TMEM11: variants seen among roughly 807,000 people sequenced by gnomAD.
TMEM11 encodes the protein transmembrane protein 11, mitochondrial.
Under a neutral mutation model 17.0 loss-of-function variants are expected in TMEM11, and 1 was observed. That is an observed-to-expected ratio of 0.06 (90% CI 0.02 to 0.28). The LOEUF (loss-of-function observed/expected upper bound fraction) is 0.28, where lower values mean the gene tolerates loss of function less well. TMEM11 is among the 10% of genes least tolerant of loss of function. TMEM11 has a pLI of 1.00. For synonymous variants in TMEM11, 122 were observed against 118.1 expected, an observed-to-expected ratio of 1.03 and a Z score of -0.21; for missense variants, 172 against 252.9, an observed-to-expected ratio of 0.68 and a Z score of 2.17.
chr17:21,199,326 C>CAAAAAAAAAAA (rs1974856167), intron 1 of TMEM11, among the ~76,000 whole-genome samples: 1 of 23,694 alleles, frequency 4.2e-5, no homozygotes, highest in Non-Finnish European at 8.0e-5. Context: ...GACTCAGTCT[C>CAAAAAAAAAAA]AGAAAAAAAA....
Position 21,198,438 on chromosome 17 carries a change from G to C in TMEM11, c.465C>G (p.Thr155=). 6.2e-7 allele frequency: 1 copy of C among 1,614,252 alleles called. No homozygotes were observed. Among genetic ancestry groups the C allele is most frequent in the Non-Finnish European group, 8.5e-7 (1 of 1,180,050 alleles). ...RLPLHTLTSS[T]PVVLVRKDDL... is the part of the protein sequence containing the mutation. Reference sequence around the variant, plus strand: ...CGTCCTTCCGGACCAGCACCACCGGGGTGGAGGAGGTGAGTGTGTGCAGAG... The same window carrying C: ...CGTCCTTCCGGACCAGCACCACCGGCGTGGAGGAGGTGAGTGTGTGCAGAG... The change falls in exon 2 of 2, where the codon ACC becomes ACG. Residue 155 remains threonine (T), a synonymous_variant. Transcript: ENST00000317635. This position sits in a 1 kb window ranked among gnomAD's most constrained non-coding sequence, Gnocchi z 6.5.
At position 21,204,988 on chromosome 17, in the gene TMEM11, TCCTC is replaced by T. The variant is rs1424574414; in HGVS notation, c.63-6152_63-6149del. 2.6e-4 allele frequency among the ~76,000 whole-genome samples: 39 copies of T among 152,128 alleles called. 1 individual carries two copies. Among genetic ancestry groups the T allele is most frequent in the Non-Finnish European group, 2.9e-5 (2 of 67,962 alleles). On this transcript the variant is annotated intron_variant, in intron 1 of 1. Transcript: ENST00000317635. Reference sequence around the variant, plus strand: ...ACTCATAAAGTGGGCATCTTGAACTTCCTCCCTCAGCCTTCAACCAGAGTCAGCC... The same window carrying T: ...ACTCATAAAGTGGGCATCTTGAACTTCCTCAGCCTTCAACCAGAGTCAGCC...
rs9908378 is a variant in TMEM11 at position 21,199,380 on chromosome 17, G to A, written c.63-540C>T. Among the ~76,000 whole-genome samples the A allele has an allele frequency of 7.0e-3, 1,036 of 147,982 alleles. 16 individuals carry two copies. The highest frequency in any genetic ancestry group is 0.023 in the African/African-American group (922 of 40,574). On this transcript the variant is annotated intron_variant, in intron 1 of 1. Coordinates refer to ENST00000317635, the MANE Select transcript of TMEM11 (RefSeq NM_003876.3). ...AAGGCAGGAAAAGCAGTGCCTCGACGTTTAACATGACAAACACAGGCCTGG... is the reference window on the plus strand; with the variant it reads ...AAGGCAGGAAAAGCAGTGCCTCGACATTTAACATGACAAACACAGGCCTGG...
chr17:21,200,704 C>T (rs971264544), intron 1 of TMEM11, among the ~76,000 whole-genome samples: 5 of 152,202 alleles, frequency 3.3e-5, no homozygotes, highest in Non-Finnish European at 7.3e-5. Flanking sequence ...CCTGAAGCTC[C>T]GAATGTGCCT....
At chr17:21,211,178 A>G in intron 1 of TMEM11, 1 of 1,289,882 alleles carries the variant, frequency 7.8e-7, no homozygotes, top group Non-Finnish European at 1.0e-6. Context: ...ACAAGAATTC[A>G]GGTTACAGCT....
chr17:21,209,362 C>T (rs1486702377), intron 1 of TMEM11, among the ~76,000 whole-genome samples: 1 of 152,266 alleles, frequency 6.6e-6, no homozygotes, highest in Non-Finnish European at 1.5e-5. Flanking sequence ...GAGGCCCTGG[C>T]TCTCCCAGAG....
chr17:21,207,995 T>C (rs1300785971), intron 1 of TMEM11, among the ~76,000 whole-genome samples: 1 of 85,000 alleles, frequency 1.2e-5, no homozygotes, highest in Admixed American at 1.3e-4. Flanking sequence ...AAAAAGTGTT[T>C]CTTTTTTTTT....
chr17:21,205,536 T>A (rs913711325), intron 1 of TMEM11, among the ~76,000 whole-genome samples: 1 of 152,110 alleles, frequency 6.6e-6, no homozygotes, highest in African/African-American at 2.4e-5. Context: ...TTGCCTTTTT[T>A]AAAGTGTGGT....
chr17:21,211,087 T>C, intron 1 of TMEM11: 1 of 1,289,802 alleles, frequency 7.8e-7, no homozygotes, highest in South Asian at 1.2e-5. Flanking sequence ...CTTTCCTAGA[T>C]GGGCAAGTGT....
chr17:21,202,218 C>T (rs899729628), intron 1 of TMEM11, among the ~76,000 whole-genome samples: 16 of 152,204 alleles, frequency 1.1e-4, no homozygotes, highest in African/African-American at 3.6e-4. Flanking sequence ...AGGACCAAAT[C>T]GTGTCCCAAT....
At chr17:21,209,381 T>C (rs188063107) in intron 1 of TMEM11, among the ~76,000 whole-genome samples, 2 of 152,354 alleles carry the variant, frequency 1.3e-5, no homozygotes, top group East Asian at 1.9e-4. Context: ...AGGACTGCAG[T>C]GAAGATGGGA....
intron 1 of TMEM11, among the ~76,000 whole-genome samples, chr17:21,202,541 C>G (rs996121330): frequency 5.3e-5 from 8 of 152,188 alleles, no homozygotes; most frequent in African/African-American, 1.9e-4. Flanking sequence ...GGAAACACAG[C>G]AGTGGGCAGA....
intron 1 of TMEM11, among the ~76,000 whole-genome samples, chr17:21,202,482 A>G (rs1974893106): frequency 6.6e-6 from 1 of 152,186 alleles, no homozygotes; most frequent in African/African-American, 2.4e-5. Context: ...TTGGTCCCAC[A>G]GAGGAAATTC....
At position 21,198,793 on chromosome 17, in the gene TMEM11, T is replaced by C. The variant is rs370457637; in HGVS notation, c.110A>G (p.Asn37Ser). ...TDCYIVHEIYNGENAQDQFEY... is the reference protein window; with the variant it reads ...TDCYIVHEIYSGENAQDQFEY... ...AAACTGGTCTTGGGCATTCTCCCCA[T>C]TGTAGATCTCATGCACAATGTAGCA... Residue 37 changes from asparagine (N) to serine (S), a missense_variant, in exon 2 of 2, where the codon AAT becomes AGT. Asn to Ser is a conservative substitution (Grantham distance 46). Coordinates refer to ENST00000317635, the MANE Select transcript of TMEM11 (RefSeq NM_003876.3). The surrounding 1 kb of genome is among the most constrained non-coding windows in gnomAD (Gnocchi z 6.5). 39 of 1,613,078 alleles carry C rather than the reference T, an allele frequency of 2.4e-5. No individual in the cohort carries two copies. The highest frequency in any genetic ancestry group is 1.7e-4 in the Middle Eastern group (1 of 6,058).
intron 1 of TMEM11, chr17:21,213,737 G>A (rs2144316025): frequency 7.2e-6 from 2 of 279,012 alleles, no homozygotes; most frequent in East Asian, 8.5e-5. Context: ...TGCCCAGGCG[G>A]GAAGGGTGCT....
At chr17:21,210,091 A>G (rs968746781) in intron 1 of TMEM11, among the ~76,000 whole-genome samples, 1 of 152,192 alleles carries the variant, frequency 6.6e-6, no homozygotes, top group African/African-American at 2.4e-5. Flanking sequence ...GCCGGGGCAG[A>G]GGAGCCACCT....
At chr17:21,208,886 C>T (rs904459034) in intron 1 of TMEM11, among the ~76,000 whole-genome samples, 1 of 152,246 alleles carries the variant, frequency 6.6e-6, no homozygotes, top group African/African-American at 2.4e-5. Context: ...ATTAAGAGAA[C>T]TGGTACCAGA....
Position 21,214,031 on chromosome 17 carries a change from C to T in TMEM11, c.62+60G>A, listed in dbSNP as rs551333209. 18 of 1,526,716 alleles carry T rather than the reference C, an allele frequency of 1.2e-5. No homozygotes were observed. In the East Asian group the frequency reaches 2.1e-4, roughly 18 times the overall value. The allele number at this position is 1,526,716 out of a possible 1,614,324, so 94.6% of individuals were successfully genotyped here. On this transcript the variant is annotated intron_variant, in intron 1 of 1. Transcript: ENST00000317635. ...AGGCTGCTGCAGCCCTCGGAGGCCG[C>T]GCTGGGCTCTCCGGCCGCTGAGCCG... is the stretch of plus-strand genomic sequence containing the variant.
In TMEM11 at chr17:21,198,522, C is replaced by A; in HGVS notation, c.381G>T (p.Gln127His). The change falls in exon 2 of 2, where the codon CAG becomes CAT. Residue 127 changes from glutamine to histidine, a missense_variant. Coordinates refer to ENST00000317635, the MANE Select transcript of TMEM11 (RefSeq NM_003876.3). The surrounding 1 kb of genome is among the most constrained non-coding windows in gnomAD (Gnocchi z 6.5). ...ACCTLYGISW[Q>H]FDPCCKYQVE... ...CTTGGTACTTGCAGCAAGGGTCAAA[C>A]TGCCAGGAGATCCCATAGAGGGTGC... 6.2e-7 allele frequency: 1 copy of A among 1,614,270 alleles called. No homozygotes were observed. The highest frequency in any genetic ancestry group is 8.5e-7 in the Non-Finnish European group (1 of 1,180,056).
Sources: allele counts gnomAD v4.1 joint callset (sites outside exome capture counted in the v4.1 genomes callset), GRCh38; gene constraint gnomAD v4.1.1; non-coding constraint Gnocchi (gnomAD v3.1); transcripts MANE v1.5; gene names NCBI Gene and HGNC (gene_info 2026-07-23, HGNC 2026-07-21).